The following C12orf42 variants were observed in gnomAD, a reference collection of about 807,000 sequenced individuals.
C12orf42 encodes the protein chromosome 12 open reading frame 42.
In C12orf42, 25 loss-of-function variants were observed where a neutral mutation model predicts 21.6. The ratio of observed to expected loss-of-function variants is 1.16; its 90% CI spans 0.84 to 1.62. The LOEUF (loss-of-function observed/expected upper bound fraction) is 1.62. C12orf42 is among the 40% of genes most tolerant of loss of function. C12orf42 has a pLI of 0.00. For synonymous variants in C12orf42, 174 were observed against 175.0 expected (o/e 0.99, Z 0.05); for missense variants, 483 against 459.3 (o/e 1.05, Z -0.47).
At chr12:103,342,438 C>G (rs941250219) in intron 4 of C12orf42, among the ~76,000 whole-genome samples, 4 of 152,010 alleles carry the variant, frequency 2.6e-5, no homozygotes, top group African/African-American at 9.7e-5. Context: ...CATGGAGCAC[C>G]TACTGTATGC....
the C12orf42 span, among the ~76,000 whole-genome samples, chr12:103,528,285 A>G: frequency 1.3e-5 from 2 of 152,260 alleles, no homozygotes; most frequent in South Asian, 2.1e-4. Context: ...ACAAATTTCA[A>G]TTAGGTCCAA....
At chr12:103,294,407 A>C (rs1269648102) in intron 4 of C12orf42, among the ~76,000 whole-genome samples, 1 of 145,458 alleles carries the variant, frequency 6.9e-6, no homozygotes, top group Non-Finnish European at 1.5e-5. Context: ...GAAAGAAAGA[A>C]AGAAAGAGAG....
At chr12:103,187,762 TA>T in the C12orf42 span, among the ~76,000 whole-genome samples, 1 of 152,338 alleles carries the variant, frequency 6.6e-6, no homozygotes, top group African/African-American at 2.4e-5. Context: ...TGCCATGGAA[TA>T]AAGTTTTGGG....
In C12orf42 at chr12:103,432,811, A is replaced by G. The variant is rs563475861; in HGVS notation, c.79-31136T>C. On this transcript the variant is annotated intron_variant, in intron 2 of 5. Transcript: ENST00000548883. Reference sequence around the variant, plus strand: ...GGGATGACCATGTGAGGGCACAGCAAGAAGGTGGCCATCAGCAAGACAGAG... The same window carrying G: ...GGGATGACCATGTGAGGGCACAGCAGGAAGGTGGCCATCAGCAAGACAGAG... Among the ~76,000 whole-genome samples the G allele has an allele frequency of 1.3e-4, 20 of 152,306 alleles. No homozygotes were observed. The Middle Eastern group carries it at 0.014, about 104-fold the overall frequency.
chr12:103,235,963 G>A (rs113106324), downstream of C12orf42, among the ~76,000 whole-genome samples: 220 of 152,282 alleles, frequency 1.4e-3, no homozygotes, highest in African/African-American at 4.9e-3. Context: ...AATGCTCCTT[G>A]TGGTTCTGGA....
At chr12:103,055,644 T>C in the C12orf42 span, among the ~76,000 whole-genome samples, 1 of 152,012 alleles carries the variant, frequency 6.6e-6, no homozygotes, top group Non-Finnish European at 1.5e-5. Context: ...GATGACTTTA[T>C]TAGTTTGAAA....
At chr12:103,189,564 A>AT in the C12orf42 span, among the ~76,000 whole-genome samples, 1 of 152,344 alleles carries the variant, frequency 6.6e-6, no homozygotes, top group South Asian at 2.1e-4. Context: ...CACATCACCC[A>AT]TTCCCCAAAT....
At chr12:103,223,417 GAAGGAGAAAAACAGGT>G in the C12orf42 span, among the ~76,000 whole-genome samples, 1 of 152,162 alleles carries the variant, frequency 6.6e-6, no homozygotes, top group Non-Finnish European at 1.5e-5. Context: ...TGGAATAACA[GAAGGAGAAAAACAGGT>G]ATAAAAGGTC....
chr12:103,332,602 A>C (rs896398003), intron 4 of C12orf42, among the ~76,000 whole-genome samples: 1 of 152,226 alleles, frequency 6.6e-6, no homozygotes, highest in Non-Finnish European at 1.5e-5. Context: ...GATCAATAGG[A>C]GCTTCTTAAA....
chr12:103,078,922 G>A, the C12orf42 span, among the ~76,000 whole-genome samples: 8 of 152,106 alleles, frequency 5.3e-5, no homozygotes, highest in South Asian at 2.1e-4. Context: ...AAACCACACC[G>A]GTGCACTTCA....
chr12:103,189,413 T>C, the C12orf42 span, among the ~76,000 whole-genome samples: 1 of 152,192 alleles, frequency 6.6e-6, no homozygotes, highest in African/African-American at 2.4e-5. Context: ...CAAGGAAATG[T>C]GAGCTGATTT....
chr12:103,109,611 A>G, the C12orf42 span, among the ~76,000 whole-genome samples: 1 of 148,824 alleles, frequency 6.7e-6, no homozygotes, highest in Non-Finnish European at 1.5e-5. Context: ...ATATAATTAA[A>G]TATTATATAA....
chr12:103,514,205 G>A, the C12orf42 span, among the ~76,000 whole-genome samples: 1 of 152,146 alleles, frequency 6.6e-6, no homozygotes, highest in Non-Finnish European at 1.5e-5. Context: ...GAACAGGATG[G>A]GGGAAACCGC....
the C12orf42 span, among the ~76,000 whole-genome samples, chr12:103,220,995 G>T: frequency 1.3e-5 from 2 of 152,042 alleles, no homozygotes; most frequent in African/African-American, 4.8e-5. Context: ...CAAACAAATC[G>T]CCAGTCAGCC....
intron 5 of C12orf42, among the ~76,000 whole-genome samples, chr12:103,272,353 T>C (rs2035521282): frequency 1.3e-5 from 2 of 152,122 alleles, no homozygotes; most frequent in South Asian, 4.1e-4. Flanking sequence ...GTGTTTAGCA[T>C]ATGCCAAGCA....
Position 103,479,502 on chromosome 12 carries a change from A to G in C12orf42, c.-21-1055T>C, listed in dbSNP as rs374851544. Among the ~76,000 whole-genome samples the G allele has an allele frequency of 2.6e-5, 4 of 152,218 alleles. No individual in the cohort carries two copies. In the East Asian group the frequency reaches 7.7e-4, roughly 29 times the overall value. On this transcript the variant is annotated intron_variant, in intron 1 of 5. Transcript: ENST00000548883. ...GTTTCAGTCTTCACAGAAGTTGGAT[A>G]TGCTTGGTTGTTCCTGATGTTAACA...
chr12:103,201,222 T>G, the C12orf42 span, among the ~76,000 whole-genome samples: 1 of 152,220 alleles, frequency 6.6e-6, no homozygotes, highest in African/African-American at 2.4e-5. Context: ...ATCTCATTGA[T>G]TTGCTGAGCA....
chr12:103,420,858 C>A (rs776676689), intron 2 of C12orf42, among the ~76,000 whole-genome samples: 4 of 152,158 alleles, frequency 2.6e-5, no homozygotes, highest in Admixed American at 2.0e-4. Flanking sequence ...TAGATTGACA[C>A]GACCATTGGA....
chr12:103,097,391 G>T, the C12orf42 span, among the ~76,000 whole-genome samples: 1 of 152,320 alleles, frequency 6.6e-6, no homozygotes, highest in East Asian at 1.9e-4. Flanking sequence ...TGTAGTGCAT[G>T]TCTTAGGATT....
Sources: allele counts gnomAD v4.1 joint callset (sites outside exome capture counted in the v4.1 genomes callset), GRCh38; gene constraint gnomAD v4.1.1; transcripts MANE v1.5; gene names NCBI Gene and HGNC (gene_info 2026-07-23, HGNC 2026-07-21).